The following ANK3 variants were observed in gnomAD, a reference collection of about 807,000 sequenced individuals.
ANK3 encodes ankyrin-3.
A neutral mutation model predicts 370.9 loss-of-function variants in ANK3; 57 were observed. That is an observed-to-expected ratio of 0.15 (90% CI 0.12 to 0.19). The LOEUF (loss-of-function observed/expected upper bound fraction) is 0.19. Among genes scored for constraint, ANK3 ranks in the 10% least tolerant of loss-of-function variants. The pLI, the probability that ANK3 is intolerant of heterozygous loss-of-function variation, is 1.00. For missense variants in ANK3, 4,439 were observed against 5,302.1 expected (o/e 0.84, Z 5.06); for synonymous variants, 1,929 against 1,946.3 (o/e 0.99, Z 0.23).
chr10:60,306,908 A>T (rs1392943277), intron 1 of ANK3, among the ~76,000 whole-genome samples: 2 of 152,092 alleles, frequency 1.3e-5, no homozygotes, highest in Non-Finnish European at 2.9e-5. Flanking sequence ...AATTTTTGAA[A>T]TTTTTTGTAT....
rs765945152 is a variant in ANK3 at position 60,074,979 on chromosome 10, C to T, written c.5902G>A (p.Val1968Ile). Residue 1968 changes from valine (V) to isoleucine (I), a missense_variant, in exon 37 of 44, where the codon GTA (valine) becomes ATA (isoleucine). Around this residue, in one of 13 missense-constraint regions of ANK3, gnomAD observed 679 missense variants for 791.0 expected, o/e 0.86. Coordinates refer to ENST00000280772, the MANE Select transcript of ANK3 (RefSeq NM_020987.5). ...VSEILKKDVC[V>I]DNKGSPKSPK... ...GATTTGGGTGATCCTTTATTATCTA[C>T]ACATACATCCTTTTTAAGGATTTCA... The T allele has an allele frequency of 3.7e-6, 6 of 1,614,070 alleles. No individual in the cohort carries two copies. Among genetic ancestry groups the T allele is most frequent in the Admixed American group, 1.7e-5 (1 of 59,994 alleles).
At chr10:60,245,796 A>G (rs539914173) in intron 7 of ANK3, among the ~76,000 whole-genome samples, 2 of 152,336 alleles carry the variant, frequency 1.3e-5, no homozygotes, top group South Asian at 4.1e-4. Context: ...ACTCAGGAAA[A>G]TTTCTAATAT....
chr10:60,228,417 C>T (rs941714389), intron 8 of ANK3, among the ~76,000 whole-genome samples: 3 of 151,294 alleles, frequency 2.0e-5, no homozygotes, highest in Non-Finnish European at 4.4e-5. Flanking sequence ...GCCTGTAATC[C>T]CAGCTACTCA....
intron 23 of ANK3, among the ~76,000 whole-genome samples, chr10:60,161,423 G>A (rs1209415734): frequency 6.6e-6 from 1 of 152,142 alleles, no homozygotes; most frequent in East Asian, 1.9e-4. Context: ...ATTTCAAAGT[G>A]ACATCTGCAC....
At chr10:60,507,806 A>C (rs536207184) in intron 2 of ANK3, 5 of 152,102 alleles carry the variant, frequency 3.3e-5, no homozygotes, top group Non-Finnish European at 7.4e-5. Context: ...TGTTTTTTAA[A>C]AGCTACTTAA....
intron 23 of ANK3, among the ~76,000 whole-genome samples, chr10:60,162,568 C>T (rs1440805749): frequency 6.6e-6 from 1 of 152,180 alleles, no homozygotes; most frequent in African/African-American, 2.4e-5. Context: ...CCTCATGTCA[C>T]TCTATTATCT....
intron 2 of ANK3, among the ~76,000 whole-genome samples, chr10:60,541,259 T>C (rs1204900501): frequency 1.3e-5 from 2 of 151,994 alleles, no homozygotes; most frequent in African/African-American, 4.8e-5. Flanking sequence ...AGATTTCATC[T>C]GATGGTGATT....
At chr10:60,313,420 A>G (rs1414551366) in intron 1 of ANK3, among the ~76,000 whole-genome samples, 2 of 152,242 alleles carry the variant, frequency 1.3e-5, no homozygotes, top group Non-Finnish European at 2.9e-5. Flanking sequence ...GCAGAGAGTA[A>G]GGAAAAAGTG....
In ANK3 at chr10:60,074,815, G is replaced by A. The variant is rs17208576; in HGVS notation, c.6066C>T (p.Ala2022=). 148,614 of 1,613,714 alleles carry A rather than the reference G, an allele frequency of 0.092. 7,857 individuals are homozygous for A. The highest frequency in any genetic ancestry group is 0.11 in the Non-Finnish European group (128,700 of 1,179,898). The change falls in exon 37 of 44, where the codon GCC becomes GCT. Residue 2022 remains alanine (A), a synonymous_variant. Coordinates refer to ENST00000280772, the MANE Select transcript of ANK3 (RefSeq NM_020987.5). ...LPERVQVKAK[A]ASEKDYNLTK... is the part of the protein sequence containing the mutation. ...TCAAGTTATAATCCTTTTCGGAGGC[G>A]GCTTTTGCTTTTACTTGCACTCTCT... is the stretch of plus-strand genomic sequence containing the variant.
At chr10:60,467,201 T>C (rs1349833960) in intron 2 of ANK3, among the ~76,000 whole-genome samples, 1 of 152,204 alleles carries the variant, frequency 6.6e-6, no homozygotes, top group Non-Finnish European at 1.5e-5. Flanking sequence ...GGCAATTTAA[T>C]ACATTATCAG....
intron 2 of ANK3, among the ~76,000 whole-genome samples, chr10:60,557,487 G>C (rs760064712): frequency 6.6e-6 from 1 of 152,128 alleles, no homozygotes; most frequent in African/African-American, 2.4e-5. Flanking sequence ...GGGAGAGGGA[G>C]GAATTTGGAG....
At chr10:60,526,970 T>TAC (rs1241843531) in intron 2 of ANK3, among the ~76,000 whole-genome samples, 2 of 152,066 alleles carry the variant, frequency 1.3e-5, no homozygotes, top group East Asian at 1.9e-4. Flanking sequence ...GTCCATGTTA[T>TAC]ACACACACAC....
intron 6 of ANK3, among the ~76,000 whole-genome samples, chr10:60,262,688 T>C (rs187015811): frequency 2.8e-4 from 42 of 152,280 alleles, no homozygotes; most frequent in Middle Eastern, 3.4e-3. Context: ...TGTAGAAGGG[T>C]GGGTCATATT....
At chr10:60,346,222 CA>C (rs1467608537) in intron 1 of ANK3, among the ~76,000 whole-genome samples, 3 of 151,736 alleles carry the variant, frequency 2.0e-5, no homozygotes, top group Non-Finnish European at 4.4e-5. Flanking sequence ...GAGAAAAATG[CA>C]AAAGCCACAG....
chr10:60,660,202 T>C (rs1484116592), intron 1 of ANK3, among the ~76,000 whole-genome samples: 1 of 152,190 alleles, frequency 6.6e-6, no homozygotes, highest in African/African-American at 2.4e-5. Context: ...TTCAACGTCC[T>C]ATTCACTGAA....
rs753264441 is a variant in ANK3, at chr10:60,609,384, C to A, written c.96+5802G>T. 6.1e-4 allele frequency among the ~76,000 whole-genome samples: 93 copies of A among 152,130 alleles called. 2 individuals are homozygous for A. The Middle Eastern group carries it at 0.027, about 45-fold the overall frequency. ...TGTGATCAAGAGCTATTGCATTACC[C>A]AAGTTAGGACCACAACTTCCATCAC... is the stretch of plus-strand genomic sequence containing the variant. On this transcript the variant is annotated intron_variant, in intron 2 of 43. Coordinates refer to the ANK3 transcript ENST00000373827.
intron 41 of ANK3, among the ~76,000 whole-genome samples, chr10:60,056,964 G>C (rs1225823763): frequency 2.0e-5 from 3 of 152,192 alleles, no homozygotes; most frequent in African/African-American, 7.2e-5. Context: ...GGCAGAGGTT[G>C]CAGTGAGCAA....
intron 1 of ANK3, among the ~76,000 whole-genome samples, chr10:60,321,597 T>C (rs191544553): frequency 1.3e-5 from 2 of 152,314 alleles, no homozygotes; most frequent in East Asian, 3.9e-4. Flanking sequence ...GCTCATTTAA[T>C]TGTCACAGTG....
At chr10:60,562,755 T>C (rs1174729651) in intron 2 of ANK3, among the ~76,000 whole-genome samples, 2 of 152,060 alleles carry the variant, frequency 1.3e-5, no homozygotes, top group East Asian at 3.8e-4. Context: ...AATTACATCA[T>C]CTAACAGACA....
Sources: gnomAD v4.1 joint callset for allele counts (sites outside exome capture counted in the v4.1 genomes callset) on GRCh38, gnomAD v4.1.1 for gene constraint, gnomAD v4.1.1 regional missense constraint, MANE v1.5 for transcripts, NCBI Gene and HGNC (gene_info 2026-07-23, HGNC 2026-07-21) for gene names.